CDH8: variants seen among roughly 807,000 people sequenced by gnomAD.
The protein encoded by CDH8 is cadherin-8.
In CDH8, 17 loss-of-function variants were observed where a neutral mutation model predicts 68.1. The observed-to-expected ratio is 0.25, with a 90% CI of 0.17 to 0.37. The LOEUF is 0.37. Ranked by LOEUF, CDH8 falls within the 10% of genes least tolerant of loss-of-function variation. The pLI is 1.00. For synonymous variants in CDH8, 372 were observed against 365.1 expected (o/e 1.02, Z -0.21); for missense variants, 763 against 999.3 (o/e 0.76, Z 3.19).
chr16:61,694,644 C>A (rs1270951900), intron 10 of CDH8, among the ~76,000 whole-genome samples: 1 of 152,092 alleles, frequency 6.6e-6, no homozygotes, highest in Non-Finnish European at 1.5e-5. Flanking sequence ...GACAGAGCTT[C>A]TGATCCTGCC....
intron 4 of CDH8, among the ~76,000 whole-genome samples, chr16:61,841,947 G>A (rs1018101430): frequency 6.6e-6 from 1 of 152,092 alleles, no homozygotes; most frequent in Non-Finnish European, 1.5e-5. Flanking sequence ...GAGTGCAGTG[G>A]CACGATCTCG....
intron 3 of CDH8, among the ~76,000 whole-genome samples, chr16:61,890,387 G>A (rs970826157): frequency 5.7e-4 from 87 of 152,136 alleles, no homozygotes; most frequent in African/African-American, 2.0e-3. Flanking sequence ...TAGTTTACAA[G>A]ACACAGATCA....
chr16:61,884,592 T>C (rs900858030), intron 3 of CDH8, among the ~76,000 whole-genome samples: 3 of 152,106 alleles, frequency 2.0e-5, no homozygotes, highest in Non-Finnish European at 4.4e-5. Context: ...CAGGCTGGTC[T>C]TGAACTCCTG....
chr16:61,697,912 G>T (rs1323862226), intron 10 of CDH8, among the ~76,000 whole-genome samples: 1 of 152,206 alleles, frequency 6.6e-6, no homozygotes, highest in East Asian at 1.9e-4. Context: ...ACAGGCTCAT[G>T]CAACGTGCTT....
At chr16:61,743,214 C>T (rs975492208) in intron 8 of CDH8, 2 of 152,158 alleles carry the variant, frequency 1.3e-5, no homozygotes, top group African/African-American at 4.8e-5. Context: ...GGAAGCTCGA[C>T]TACCCTACGT....
chr16:61,990,298 A>G (rs1463175988), intron 2 of CDH8, among the ~76,000 whole-genome samples: 2 of 149,656 alleles, frequency 1.3e-5, no homozygotes, highest in Non-Finnish European at 3.0e-5. Flanking sequence ...AGATTCTTGA[A>G]GAAGTCCTTT....
intron 4 of CDH8, among the ~76,000 whole-genome samples, chr16:61,834,944 T>C (rs1962536909): frequency 6.6e-6 from 1 of 151,904 alleles, no homozygotes; most frequent in South Asian, 2.1e-4. Context: ...GAAACTTAAT[T>C]ATAAAATTTT....
chr16:61,774,649 T>C (rs956038652), intron 8 of CDH8, among the ~76,000 whole-genome samples: 2 of 152,082 alleles, frequency 1.3e-5, no homozygotes, highest in Non-Finnish European at 2.9e-5. Flanking sequence ...ATTCATTATT[T>C]CCTTTCTTCA....
chr16:62,010,342 G>A (rs900313093), intron 2 of CDH8, among the ~76,000 whole-genome samples: 1 of 152,100 alleles, frequency 6.6e-6, no homozygotes, highest in Non-Finnish European at 1.5e-5. Flanking sequence ...AGCACACTGT[G>A]CACCTACCAC....
intron 8 of CDH8, among the ~76,000 whole-genome samples, chr16:61,755,757 TTTC>T (rs1198509474): frequency 3.7e-5 from 5 of 136,558 alleles, no homozygotes; most frequent in African/African-American, 1.1e-4. Flanking sequence ...TTTTCTTCTT[TTTC>T]TTCTTCTTCT....
Position 61,817,653 on chromosome 16 carries a change from C to A in CDH8, c.1103G>T (p.Gly368Val). 3.1e-6 allele frequency: 5 copies of A among 1,613,680 alleles called. No individual in the cohort carries two copies. The highest frequency in any genetic ancestry group is 4.2e-6 in the Non-Finnish European group (5 of 1,179,824). Residue 368 changes from glycine (G) to valine (V), a missense_variant, in exon 7 of 12, where the codon GGC becomes GTC. Physicochemically the swap from Gly to Val is moderately radical, Grantham distance 109 (BLOSUM62 -3). Transcript: ENST00000577390. ...ANVHIDPRFS[G>V]RGPFKDTATV... ...CGCCGTGTCTTTAAAGGGCCCCCTG[C>A]CACTGAAGCGTGGGTCAATATGGAC...
chr16:61,772,169 C>T (rs1395341331), intron 8 of CDH8, among the ~76,000 whole-genome samples: 3 of 151,996 alleles, frequency 2.0e-5, no homozygotes, highest in Non-Finnish European at 4.4e-5. Flanking sequence ...ATCTGGACCT[C>T]CCCCACCTAA....
intron 2 of CDH8, among the ~76,000 whole-genome samples, chr16:61,945,437 TA>T (rs59806534): frequency 4.2e-3 from 508 of 120,402 alleles, no homozygotes; most frequent in Middle Eastern, 8.6e-3. Context: ...GATGCATGAT[TA>T]AAAAAAAAAA....
chr16:61,816,685 C>T (rs942857094), intron 7 of CDH8, among the ~76,000 whole-genome samples: 1 of 151,898 alleles, frequency 6.6e-6, no homozygotes, highest in African/African-American at 2.4e-5. Flanking sequence ...AGTGTGCTTT[C>T]AGGAGAAAGC....
intron 2 of CDH8, among the ~76,000 whole-genome samples, chr16:61,992,859 G>A (rs1965749216): frequency 6.6e-6 from 1 of 152,064 alleles, no homozygotes; most frequent in Admixed American, 6.5e-5. Flanking sequence ...CACAATCATG[G>A]CCCACTGCAT....
intron 2 of CDH8, among the ~76,000 whole-genome samples, chr16:62,011,420 C>G (rs192652192): frequency 6.6e-6 from 1 of 152,178 alleles, no homozygotes; most frequent in Non-Finnish European, 1.5e-5. Context: ...TCATCACCTA[C>G]CACATGGGGT....
intron 3 of CDH8, among the ~76,000 whole-genome samples, chr16:61,894,163 A>G (rs188776419): frequency 1.7e-4 from 26 of 152,208 alleles, no homozygotes; most frequent in Non-Finnish European, 4.4e-5. Context: ...AAAATCATGT[A>G]CCACCTGATA....
chr16:61,923,740 C>T (rs1597069111), intron 2 of CDH8, among the ~76,000 whole-genome samples: 1 of 142,308 alleles, frequency 7.0e-6, no homozygotes, highest in East Asian at 2.1e-4. Context: ...TATATATATA[C>T]ATCACATGTA....
At chr16:61,875,847 G>T (rs752752516) in intron 3 of CDH8, among the ~76,000 whole-genome samples, 6 of 152,040 alleles carry the variant, frequency 3.9e-5, no homozygotes, top group Admixed American at 1.3e-4. Flanking sequence ...AAGCTATTGT[G>T]ACCAAAATAG....
Sources: allele counts gnomAD v4.1 joint callset (sites outside exome capture counted in the v4.1 genomes callset), GRCh38; gene constraint gnomAD v4.1.1; transcripts MANE v1.5; gene names NCBI Gene and HGNC (gene_info 2026-07-23, HGNC 2026-07-21).